LRFN5: variants seen among roughly 807,000 people sequenced by gnomAD.
LRFN5 encodes the protein leucine-rich repeat and fibronectin type-III domain-containing protein 5.
In LRFN5, 24 loss-of-function variants were observed where a neutral mutation model predicts 45.6. The ratio of observed to expected loss-of-function variants is 0.53; its 90% CI spans 0.38 to 0.74. The LOEUF is 0.74. Among genes scored for constraint, LRFN5 ranks in the 30% least tolerant of loss-of-function variants. The pLI, the probability that LRFN5 is intolerant of heterozygous loss-of-function variation, is 0.00. For synonymous variants in LRFN5, 340 were observed against 313.8 expected, an observed-to-expected ratio of 1.08 and a Z score of -0.88; for missense variants, 776 against 861.5, an observed-to-expected ratio of 0.90 and a Z score of 1.24.
intron 1 of LRFN5, among the ~76,000 whole-genome samples, chr14:41,684,288 C>T (rs913438506): frequency 6.6e-6 from 1 of 151,996 alleles, no homozygotes; most frequent in Non-Finnish European, 1.5e-5. Flanking sequence ...ATTTTCACAC[C>T]GCTATAAAGA....
In LRFN5 at chr14:41,898,911, TCC is replaced by T. The variant is rs1566513438; in HGVS notation, c.2099-4_2099-3del. On this transcript the variant is annotated splice_polypyrimidine_tract_variant and splice_region_variant and intron_variant, in intron 4 of 5. Coordinates refer to ENST00000298119, the MANE Select transcript of LRFN5 (RefSeq NM_152447.5). ...TTGTTTATGACACTGAACATTTTAT[TCC>T]CAGATGCTTTGCTGACTAATGTTGA... The T allele has an allele frequency of 6.2e-7, 1 of 1,609,466 alleles. No individual in the cohort carries two copies.
intron 1 of LRFN5, among the ~76,000 whole-genome samples, chr14:41,684,448 G>A (rs1882033918): frequency 1.3e-5 from 2 of 152,116 alleles, no homozygotes; most frequent in South Asian, 4.1e-4. Flanking sequence ...GAAGGAGAAT[G>A]AACACAGGAG....
chr14:41,781,861 T>C (rs921897399), intron 2 of LRFN5, among the ~76,000 whole-genome samples: 1 of 152,130 alleles, frequency 6.6e-6, no homozygotes, highest in Non-Finnish European at 1.5e-5. Flanking sequence ...TTATGTATTC[T>C]ATTCCACTTT....
intron 1 of LRFN5, among the ~76,000 whole-genome samples, chr14:41,714,146 G>A (rs1299098779): frequency 6.6e-6 from 1 of 152,108 alleles, no homozygotes; most frequent in Non-Finnish European, 1.5e-5. Flanking sequence ...AAAAGAAATG[G>A]AAAACATAAG....
At chr14:41,662,466 G>A (rs1001393002) in intron 1 of LRFN5, among the ~76,000 whole-genome samples, 3 of 152,074 alleles carry the variant, frequency 2.0e-5, no homozygotes, top group African/African-American at 7.2e-5. Context: ...TACATGATAG[G>A]ACTACAACCA....
rs567906800 is a variant in LRFN5, at chr14:41,641,031, A to T, written c.-197+32469A>T. Among the ~76,000 whole-genome samples, 28 of 152,242 alleles carry T rather than the reference A, an allele frequency of 1.8e-4. No homozygotes were observed. In the East Asian group the frequency reaches 5.4e-3, roughly 29 times the overall value. On this transcript the variant is annotated intron_variant, in intron 1 of 5. Coordinates refer to ENST00000298119, the MANE Select transcript of LRFN5 (RefSeq NM_152447.5). ...TGCCACAAAAATCTTGATGTTTTTCAAAGATATAGAATGGCTGAGTAGACA... is the reference window on the plus strand; with the variant it reads ...TGCCACAAAAATCTTGATGTTTTTCTAAGATATAGAATGGCTGAGTAGACA...
chr14:41,662,700 A>G (rs905779663), intron 1 of LRFN5, among the ~76,000 whole-genome samples: 3 of 152,166 alleles, frequency 2.0e-5, no homozygotes, highest in Admixed American at 6.6e-5. Context: ...CCTGGAACCC[A>G]TGAAGCATCT....
chr14:41,770,904 G>T (rs1409736951), intron 2 of LRFN5, among the ~76,000 whole-genome samples: 2 of 151,926 alleles, frequency 1.3e-5, no homozygotes, highest in African/African-American at 4.8e-5. Flanking sequence ...TCTGTGAGGA[G>T]CTCCACTCTT....
intron 1 of LRFN5, among the ~76,000 whole-genome samples, chr14:41,642,779 T>G (rs1879639518): frequency 6.6e-6 from 1 of 152,166 alleles, no homozygotes; most frequent in Admixed American, 6.6e-5. Flanking sequence ...CTTTCTTTCT[T>G]TTTTTCTTAA....
chr14:41,754,752 GTC>G (rs1316785548), intron 1 of LRFN5, among the ~76,000 whole-genome samples: 3 of 152,014 alleles, frequency 2.0e-5, no homozygotes, highest in African/African-American at 7.2e-5. Flanking sequence ...CGTTTTTTGT[GTC>G]TCTGTTTCCT....
chr14:41,649,462 A>G (rs1727775736), intron 1 of LRFN5, among the ~76,000 whole-genome samples: 1 of 152,176 alleles, frequency 6.6e-6, no homozygotes. Flanking sequence ...AAAATGGTAT[A>G]AGTATAATAC....
In LRFN5 at chr14:41,876,081, CT is replaced by C. The variant is rs143079614; in HGVS notation, c.-20-10524del. ...GCACTAAATCCAAGTTCTGTTTAAT[CT>C]CACCCCGACTATGTCAATTACTAGC... On this transcript the variant is annotated intron_variant, in intron 2 of 5. Transcript: ENST00000298119. Among the ~76,000 whole-genome samples the C allele has an allele frequency of 4.6e-3, 695 of 152,204 alleles. 1 individual carries two copies. Among genetic ancestry groups the C allele is most frequent in the African/African-American group, 0.016 (649 of 41,520 alleles).
intron 2 of LRFN5, among the ~76,000 whole-genome samples, chr14:41,850,522 T>A (rs12884151): frequency 0.73 from 111,225 of 151,736 alleles, 41,108 homozygotes; most frequent in African/African-American, 0.83. Context: ...GAACTGTGAA[T>A]ATTATGGGAC....
intron 2 of LRFN5, among the ~76,000 whole-genome samples, chr14:41,869,218 T>G (rs2139114439): frequency 6.6e-6 from 1 of 152,256 alleles, no homozygotes; most frequent in African/African-American, 2.4e-5. Context: ...AGTTTGACAT[T>G]ATCACAAATG....
intron 2 of LRFN5, among the ~76,000 whole-genome samples, chr14:41,832,816 A>T (rs1367693404): frequency 1.3e-5 from 2 of 152,188 alleles, no homozygotes; most frequent in African/African-American, 4.8e-5. Flanking sequence ...CTGTTTCAGG[A>T]TAATGGTAAA....
intron 1 of LRFN5, among the ~76,000 whole-genome samples, chr14:41,653,742 C>A (rs922881843): frequency 2.6e-5 from 4 of 151,940 alleles, no homozygotes; most frequent in Non-Finnish European, 4.4e-5. Context: ...GATAGGTAGA[C>A]CACTGAAATT....
In LRFN5 at chr14:41,685,589, T is replaced by G. The variant is rs377328734; in HGVS notation, c.-197+77027T>G. Among the ~76,000 whole-genome samples, 328 of 152,310 alleles carry G rather than the reference T, an allele frequency of 2.2e-3. 2 individuals are homozygous for G. Among genetic ancestry groups the G allele is most frequent in the Non-Finnish European group, 3.2e-3 (217 of 68,022 alleles). ...CCTAGGTTTTCTTCTAAGGTTTTTATGATTTGGGGTTTTACATACAGGTCT... is the reference window on the plus strand; with the variant it reads ...CCTAGGTTTTCTTCTAAGGTTTTTAGGATTTGGGGTTTTACATACAGGTCT... On this transcript the variant is annotated intron_variant, in intron 1 of 5. Transcript: ENST00000298119.
chr14:41,674,824 G>T (rs1419477346), intron 1 of LRFN5, among the ~76,000 whole-genome samples: 1 of 151,208 alleles, frequency 6.6e-6, no homozygotes, highest in Non-Finnish European at 1.5e-5. Context: ...CTGCCGGGAG[G>T]AGGGGCTCCT....
At chr14:41,723,844 T>A (rs544975479) in intron 1 of LRFN5, among the ~76,000 whole-genome samples, 1 of 152,278 alleles carries the variant, frequency 6.6e-6, no homozygotes, top group Non-Finnish European at 1.5e-5. Context: ...GCCTGTGCCA[T>A]CATAATGCCA....
Sources: allele counts gnomAD v4.1 joint callset (sites outside exome capture counted in the v4.1 genomes callset), GRCh38; gene constraint gnomAD v4.1.1; transcripts MANE v1.5; gene names NCBI Gene and HGNC (gene_info 2026-07-23, HGNC 2026-07-21).